Variants in LINGO2 observed in about 807,000 individuals in gnomAD.
LINGO2 encodes leucine rich repeat and Ig domain containing 2, also known as leucine-rich repeat and immunoglobulin-like domain-containing nogo receptor-interacting protein 2.
In LINGO2, 14 loss-of-function variants were observed where a neutral mutation model predicts 30.6. The ratio of observed to expected loss-of-function variants is 0.46; its 90% CI spans 0.30 to 0.72. LINGO2 has a LOEUF of 0.72. Among genes scored for constraint, LINGO2 ranks in the 30% least tolerant of loss-of-function variants. The pLI is 0.07. For missense variants in LINGO2, 729 were observed against 751.7 expected (o/e 0.97, Z 0.35); for synonymous variants, 317 against 288.5 (o/e 1.10, Z -1.00).
chr9:27,975,006 T>TC (rs1192771276), intron 5 of LINGO2, among the ~76,000 whole-genome samples: 1 of 152,108 alleles, frequency 6.6e-6, no homozygotes, highest in East Asian at 1.9e-4. Flanking sequence ...GTTCATTCTG[T>TC]TGCCAGAGGA....
At chr9:28,297,427 G>T (rs1021021107) in intron 3 of LINGO2, among the ~76,000 whole-genome samples, 3 of 152,062 alleles carry the variant, frequency 2.0e-5, no homozygotes. Context: ...CATGGGATTT[G>T]GTGCTACAGG....
At chr9:28,906,960 C>A in the LINGO2 span, among the ~76,000 whole-genome samples, 2 of 151,898 alleles carry the variant, frequency 1.3e-5, no homozygotes, top group Non-Finnish European at 2.9e-5. Flanking sequence ...GAAACTAATA[C>A]AGAGCAGAAC....
rs1054514100 is a variant in LINGO2 at position 28,174,938 on chromosome 9, G to A, written c.-87+120270C>T. On this transcript the variant is annotated intron_variant, in intron 4 of 5. Transcript: ENST00000379992. ...TGTGTGTGTGAGAGAGAGAGAGAGAGAGAGAGAGAGACAGACAGAGAGAAA... is the reference window on the plus strand; with the variant it reads ...TGTGTGTGTGAGAGAGAGAGAGAGAAAGAGAGAGAGACAGACAGAGAGAAA... Among the ~76,000 whole-genome samples, 4 of 151,692 alleles carry A rather than the reference G, an allele frequency of 2.6e-5. No homozygotes were observed. In the South Asian group the frequency reaches 8.3e-4, roughly 32 times the overall value.
At chr9:28,072,766 G>C (rs1348585979) in intron 4 of LINGO2, among the ~76,000 whole-genome samples, 2 of 152,006 alleles carry the variant, frequency 1.3e-5, no homozygotes, top group African/African-American at 4.8e-5. Context: ...AAACATTATT[G>C]CTGAGGGCCC....
At chr9:28,589,964 C>T (rs983296367) in intron 1 of LINGO2, among the ~76,000 whole-genome samples, 2 of 152,054 alleles carry the variant, frequency 1.3e-5, no homozygotes, top group African/African-American at 4.8e-5. Flanking sequence ...GAGATATAGA[C>T]CAATGGAACA....
chr9:28,216,833 G>C (rs1308964512), intron 4 of LINGO2, among the ~76,000 whole-genome samples: 1 of 151,656 alleles, frequency 6.6e-6, no homozygotes, highest in Non-Finnish European at 1.5e-5. Flanking sequence ...TCAAATAAAT[G>C]GATCTGTAAG....
At chr9:28,579,175 A>G (rs149435602) in intron 1 of LINGO2, among the ~76,000 whole-genome samples, 48 of 152,232 alleles carry the variant, frequency 3.2e-4, no homozygotes, top group African/African-American at 1.1e-3. Context: ...CCATTAAGTC[A>G]AGGTGAGAAT....
chr9:28,480,346 T>C (rs1005490398), intron 1 of LINGO2, among the ~76,000 whole-genome samples: 4 of 152,016 alleles, frequency 2.6e-5, no homozygotes, highest in African/African-American at 9.7e-5. Context: ...AGTGCCTTCA[T>C]AATATAAAGC....
rs1825871069 is a variant in LINGO2 at position 28,085,009 on chromosome 9, A to G, written c.-86-72604T>C. Among the ~76,000 whole-genome samples, 4 of 152,122 alleles carry G rather than the reference A, an allele frequency of 2.6e-5. No homozygotes were observed. The South Asian group carries it at 8.3e-4, about 31-fold the overall frequency. ...ACTCTATGAGCATTTTACACATAAT[A>G]TCTAATTTAATCTTTAAAACAGTCT... is the stretch of plus-strand genomic sequence containing the variant. On this transcript the variant is annotated intron_variant, in intron 4 of 5. Transcript: ENST00000379992.
chr9:28,914,144 A>G, the LINGO2 span, among the ~76,000 whole-genome samples: 21 of 152,320 alleles, frequency 1.4e-4, no homozygotes, highest in South Asian at 2.9e-3. Flanking sequence ...CCCATTAGCT[A>G]CAATACAATG....
chr9:28,719,633 A>G, the LINGO2 span, among the ~76,000 whole-genome samples: 2 of 151,802 alleles, frequency 1.3e-5, no homozygotes, highest in Non-Finnish European at 2.9e-5. Context: ...CCCCCTTTTT[A>G]TGCTTTCCTC....
At chr9:28,960,813 C>G in the LINGO2 span, among the ~76,000 whole-genome samples, 1 of 108,310 alleles carries the variant, frequency 9.2e-6, no homozygotes, top group African/African-American at 2.9e-5. Flanking sequence ...CAGAACAGTC[C>G]ATATTCTAGA....
chr9:28,154,181 G>C (rs1165746961), intron 4 of LINGO2, among the ~76,000 whole-genome samples: 4 of 152,142 alleles, frequency 2.6e-5, no homozygotes, highest in African/African-American at 7.2e-5. Flanking sequence ...AAGTGGGTTG[G>C]ATGAGGGAAT....
chr9:28,919,190 T>A, the LINGO2 span, among the ~76,000 whole-genome samples: 4 of 152,182 alleles, frequency 2.6e-5, no homozygotes, highest in Admixed American at 6.5e-5. Context: ...GCTGAACTAC[T>A]TCTCATTATT....
chr9:28,740,147 T>C, the LINGO2 span, among the ~76,000 whole-genome samples: 2 of 150,806 alleles, frequency 1.3e-5, no homozygotes, highest in Non-Finnish European at 2.9e-5. Context: ...AATAAGAATT[T>C]CTTAGGTAAA....
the LINGO2 span, among the ~76,000 whole-genome samples, chr9:29,206,099 A>T: frequency 6.6e-6 from 1 of 152,186 alleles, no homozygotes; most frequent in Non-Finnish European, 1.5e-5. Context: ...TAGTATGGAT[A>T]TACCTTATTT....
the LINGO2 span, among the ~76,000 whole-genome samples, chr9:29,022,709 C>A: frequency 7.2e-5 from 11 of 152,130 alleles, no homozygotes; most frequent in African/African-American, 2.7e-4. Flanking sequence ...GGATTTTTCA[C>A]TACATTAAAG....
At chr9:28,525,406 C>T (rs1820983168) in intron 1 of LINGO2, among the ~76,000 whole-genome samples, 1 of 152,028 alleles carries the variant, frequency 6.6e-6, no homozygotes, top group South Asian at 2.1e-4. Context: ...GTGGAAACAA[C>T]CCAAATTCTC....
intron 2 of LINGO2, among the ~76,000 whole-genome samples, chr9:28,418,914 T>C (rs1023639602): frequency 2.0e-5 from 3 of 152,130 alleles, no homozygotes; most frequent in Admixed American, 2.0e-4. Context: ...TTTCAACAAA[T>C]GTGTTTTTAG....
Sources: gnomAD v4.1 joint callset for allele counts (sites outside exome capture counted in the v4.1 genomes callset) on GRCh38, gnomAD v4.1.1 for gene constraint, MANE v1.5 for transcripts, NCBI Gene and HGNC (gene_info 2026-07-23, HGNC 2026-07-21) for gene names.